Variants in SPATS1 observed in about 807,000 individuals in gnomAD.
SPATS1 encodes the protein spermatogenesis associated serine rich 1, also known as spermatogenesis-associated serine-rich protein 1.
A neutral mutation model predicts 33.6 loss-of-function variants in SPATS1; 23 were observed. The ratio of observed to expected loss-of-function variants is 0.68; its 90% CI spans 0.49 to 0.97. The LOEUF (loss-of-function observed/expected upper bound fraction) is 0.97, where lower values mean the gene tolerates loss of function less well. Among genes scored for constraint, SPATS1 ranks in the 50% least tolerant of loss-of-function variants. The pLI, the probability that SPATS1 is intolerant of heterozygous loss-of-function variation, is 0.00. For missense variants in SPATS1, 327 were observed against 361.0 expected (o/e 0.91, Z 0.76); for synonymous variants, 131 against 125.6 (o/e 1.04, Z -0.29).
In SPATS1 at chr6:44,343,104, A is replaced by T. The variant is rs760769920; in HGVS notation, c.9A>T (p.Pro3=). Reference sequence around the variant, plus strand: ...AATCATCATGGGCACAGATGAGTCCATCCATGCTCACTGGAAACAGTCCAC... The same window carrying T: ...AATCATCATGGGCACAGATGAGTCCTTCCATGCTCACTGGAAACAGTCCAC... The part of the protein sequence containing the change: MS[P]SMLTGNSPRG... The change falls in exon 2 of 9, where the codon CCA becomes CCT. Residue 3 remains proline, a synonymous_variant. Transcript: ENST00000674044. The T allele has an allele frequency of 1.9e-6, 3 of 1,614,038 alleles. No homozygotes were observed. Among genetic ancestry groups the T allele is most frequent in the Non-Finnish European group, 2.5e-6 (3 of 1,180,040 alleles).
chr6:44,367,625 T>C (rs1427408310), intron 5 of SPATS1, among the ~76,000 whole-genome samples: 2 of 152,250 alleles, frequency 1.3e-5, no homozygotes, highest in East Asian at 1.9e-4. Context: ...TCCCTGCTTC[T>C]GAGCCCAAGG....
Position 44,377,119 on chromosome 6 carries a change from TTGA to T in SPATS1, c.*59_*61del. 6.3e-7 allele frequency: 1 copy of T among 1,598,614 alleles called. No individual in the cohort carries two copies. Among genetic ancestry groups the T allele is most frequent in the Non-Finnish European group, 8.6e-7 (1 of 1,165,884 alleles). On this transcript the variant is annotated 3_prime_UTR_variant, in exon 9 of 9. Transcript: ENST00000674044. ...CTGCACTCTGGCGACCCTTTTCCAG[TTGA>T]TGTTTTTTGTCATGTGACTGTTCTA...
intron 5 of SPATS1, among the ~76,000 whole-genome samples, chr6:44,368,113 T>A (rs1789358304): frequency 6.6e-6 from 1 of 152,236 alleles, no homozygotes; most frequent in African/African-American, 2.4e-5. Context: ...CTGATTCACC[T>A]TATATTTTAA....
At chr6:44,375,177 A>G (rs1789853082) in intron 7 of SPATS1, among the ~76,000 whole-genome samples, 1 of 152,104 alleles carries the variant, frequency 6.6e-6, no homozygotes, top group Non-Finnish European at 1.5e-5. Flanking sequence ...CAGAAAGCAC[A>G]CTCAGCTGGG....
At chr6:44,370,166 A>G in intron 7 of SPATS1, 53 bp downstream of exon 7, 1 of 1,507,474 alleles carries the variant, frequency 6.6e-7, no homozygotes, top group South Asian at 1.2e-5. Context: ...AATATCGATT[A>G]TTTTATTGTT....
rs1485778703 is a variant in SPATS1 at position 44,368,897 on chromosome 6, CA to C, written c.695+399del. On this transcript the variant is annotated intron_variant, in intron 6 of 8. Transcript: ENST00000674044. ...TAAAAGAAAAATAGTTGGTGTATTA[CA>C]TTTTTTTTTTTTTTTTGAGACGGAG... 8.3e-5 allele frequency among the ~76,000 whole-genome samples: 8 copies of C among 96,956 alleles called. No individual in the cohort carries two copies. In the South Asian group the frequency reaches 8.9e-4, roughly 11 times the overall value. The allele number at this position is 96,956 out of a possible 152,430, so 63.6% of individuals were successfully genotyped here.
At chr6:44,366,127 ATTT>A (rs199562029) in intron 5 of SPATS1, among the ~76,000 whole-genome samples, 3 of 141,452 alleles carry the variant, frequency 2.1e-5, no homozygotes, top group Non-Finnish European at 3.1e-5. Context: ...ATATATATAT[ATTT>A]TTTTTTTTTT....
At chr6:44,351,122 CAAAA>C (rs34139961) in intron 2 of SPATS1, among the ~76,000 whole-genome samples, 7,561 of 75,436 alleles carry the variant, frequency 0.1, 246 homozygotes, top group East Asian at 0.26. Context: ...GACTCTGTGT[CAAAA>C]AAAAAAAAAA....
At chr6:44,343,621 C>T (rs1787698924) in intron 2 of SPATS1, 1 of 404,970 alleles carries the variant, frequency 2.5e-6, no homozygotes, top group African/African-American at 2.1e-5. Context: ...TTCATCTTTC[C>T]TTTGCTCAGA....
intron 7 of SPATS1, among the ~76,000 whole-genome samples, chr6:44,373,853 C>T (rs544529694): frequency 6.6e-5 from 10 of 152,168 alleles, no homozygotes; most frequent in Admixed American, 6.5e-4. Flanking sequence ...TGCACTTAAT[C>T]TACAGGAGAA....
chr6:44,342,869 C>A, intron 1 of SPATS1, 101 bp downstream of exon 1: 2 of 1,293,250 alleles, frequency 1.5e-6, no homozygotes, highest in Non-Finnish European at 1.1e-6. Flanking sequence ...TGGATGGGGG[C>A]TGCAGCGAGC....
intron 7 of SPATS1, among the ~76,000 whole-genome samples, chr6:44,374,938 A>C (rs1789839052): frequency 6.6e-6 from 1 of 152,166 alleles, no homozygotes; most frequent in Admixed American, 6.6e-5. Flanking sequence ...CCCTACCCCC[A>C]GCAGTTTTAT....
chr6:44,358,628 G>A (rs1487224644), intron 3 of SPATS1, among the ~76,000 whole-genome samples: 1 of 152,126 alleles, frequency 6.6e-6, no homozygotes, highest in Non-Finnish European at 1.5e-5. Flanking sequence ...TATTCATAAA[G>A]TTGTGCAACT....
At chr6:44,347,513 T>C (rs1041758422) in intron 2 of SPATS1, among the ~76,000 whole-genome samples, 1 of 152,218 alleles carries the variant, frequency 6.6e-6, no homozygotes, top group Non-Finnish European at 1.5e-5. Flanking sequence ...ATGCCTCTTT[T>C]CCTTTATTTT....
Position 44,368,476 on chromosome 6 carries a change from G to T in SPATS1, c.672G>T (p.Met224Ile). 1 of 1,612,164 alleles carries T rather than the reference G, an allele frequency of 6.2e-7. No individual in the cohort carries two copies. The highest frequency in any genetic ancestry group is 1.1e-5 in the South Asian group (1 of 90,756). ...AAGGCTTCCACAAAGCAGGATCAAT[G>T]CTCCCACCAGTGAATTTTTCAATGT... ...QSKGFHKAGSMLPPVNFSIVP... is the reference protein window; with the variant it reads ...QSKGFHKAGSILPPVNFSIVP... Residue 224 changes from methionine (M) to isoleucine (I), a missense_variant, in exon 6 of 9, where the codon ATG (methionine) becomes ATT (isoleucine). Coordinates refer to ENST00000674044, the MANE Select transcript of SPATS1 (RefSeq NM_001372081.1).
intron 7 of SPATS1, among the ~76,000 whole-genome samples, chr6:44,371,544 T>C (rs532602467): frequency 6.6e-6 from 1 of 152,380 alleles, no homozygotes; most frequent in South Asian, 2.1e-4. Flanking sequence ...CCAGTGATTA[T>C]GTATTTCGAT....
intron 3 of SPATS1, among the ~76,000 whole-genome samples, chr6:44,354,149 C>T (rs1015421708): frequency 2.0e-5 from 3 of 151,238 alleles, no homozygotes; most frequent in African/African-American, 7.3e-5. Context: ...GCCAGGGCAA[C>T]ACAGTGAGAC....
chr6:44,367,314 C>T (rs566727373), intron 5 of SPATS1, among the ~76,000 whole-genome samples: 17 of 152,282 alleles, frequency 1.1e-4, no homozygotes, highest in African/African-American at 4.1e-4. Flanking sequence ...TCTAGAACTC[C>T]TGGCCTCAAG....
chr6:44,361,647 C>A (rs998861314), intron 4 of SPATS1, 184 bp from the exon 5 acceptor site: 1 of 749,084 alleles, frequency 1.3e-6, no homozygotes, highest in African/African-American at 1.9e-5. Context: ...CCCTGACTTC[C>A]CTTCCTTTTG....
Sources: allele counts gnomAD v4.1 joint callset (sites outside exome capture counted in the v4.1 genomes callset), GRCh38; gene constraint gnomAD v4.1.1; transcripts MANE v1.5; gene names NCBI Gene and HGNC (gene_info 2026-07-23, HGNC 2026-07-21).